The following LMNB1 variants were observed in gnomAD, a reference collection of about 807,000 sequenced individuals.
LMNB1 encodes lamin-B1.
Under a neutral mutation model 67.1 loss-of-function variants are expected in LMNB1, and 23 were observed. The observed-to-expected ratio is 0.34, with a 90% CI of 0.25 to 0.49. The LOEUF (loss-of-function observed/expected upper bound fraction) is 0.49, where lower values mean the gene tolerates loss of function less well. Among genes scored for constraint, LMNB1 ranks in the 20% least tolerant of loss-of-function variants. LMNB1 has a pLI of 0.99. For missense variants in LMNB1, 634 were observed against 746.5 expected, an observed-to-expected ratio of 0.85 and a Z score of 1.76; for synonymous variants, 281 against 282.9, an observed-to-expected ratio of 0.99 and a Z score of 0.07.
intron 1 of LMNB1, among the ~76,000 whole-genome samples, chr5:126,788,683 A>T (rs1283225654): frequency 6.6e-6 from 1 of 152,102 alleles, no homozygotes; most frequent in African/African-American, 2.4e-5. Flanking sequence ...TGAGTCATGG[A>T]ACAAGGGTTT....
At chr5:126,819,341 A>G in intron 6 of LMNB1, 199 bp downstream of exon 6, 1 of 473,676 alleles carries the variant, frequency 2.1e-6, no homozygotes, top group South Asian at 3.3e-5. Context: ...TAGTTTATTT[A>G]TTATTATTAC....
chr5:126,792,870 C>G (rs939462157), intron 1 of LMNB1, among the ~76,000 whole-genome samples: 15 of 152,252 alleles, frequency 9.9e-5, no homozygotes, highest in African/African-American at 3.6e-4. Context: ...GCCACCGCGC[C>G]CGGCAGCACT....
chr5:126,805,502 A>T lies in LMNB1; in HGVS notation c.517-69A>T. On this transcript the variant is annotated intron_variant, in intron 2 of 10. Transcript: ENST00000261366. ...TAACACTTGATTTGATTTGATTCAT[A>T]GATATCTTATGTTCATTATTAAATG... 3 of 1,015,224 alleles carry T rather than the reference A, an allele frequency of 3.0e-6. No homozygotes were observed. The South Asian group carries it at 4.4e-5, about 15-fold the overall frequency. 62.9% of individuals were successfully genotyped at this position (1,015,224 alleles called of 1,614,324 possible). A position where few individuals can be genotyped will look rare whatever the true frequency, so the allele number is the denominator to read the frequency against.
rs142412064 is a variant in LMNB1 at position 126,790,534 on chromosome 5, C to T, written c.359+12667C>T. Among the ~76,000 whole-genome samples the T allele has an allele frequency of 4.6e-3, 695 of 152,190 alleles. 16 individuals carry two copies. Among genetic ancestry groups the T allele is most frequent in the African/African-American group, 0.016 (668 of 41,458 alleles). On this transcript the variant is annotated intron_variant, in intron 1 of 10. Coordinates refer to ENST00000261366, the MANE Select transcript of LMNB1 (RefSeq NM_005573.4). ...TGTGATTAGTTTTTTTTGCCTATCA[C>T]ACCTTTTGATCACCTATAAAAATAG...
chr5:126,789,088 A>G (rs1224792754), intron 1 of LMNB1, among the ~76,000 whole-genome samples: 2 of 151,800 alleles, frequency 1.3e-5, no homozygotes, highest in Non-Finnish European at 2.9e-5. Context: ...GGGTTTTGCC[A>G]TGTTTCCCAG....
chr5:126,823,314 A>T (rs543559603), intron 8 of LMNB1, among the ~76,000 whole-genome samples: 1 of 152,312 alleles, frequency 6.6e-6, no homozygotes, highest in East Asian at 1.9e-4. Flanking sequence ...TTGGGGTAGG[A>T]GCCTAGGTTT....
intron 1 of LMNB1, among the ~76,000 whole-genome samples, chr5:126,784,678 C>T (rs1229036287): frequency 1.6e-5 from 2 of 121,788 alleles, no homozygotes; most frequent in African/African-American, 3.1e-5. Context: ...TTTTTTGAGA[C>T]GGAGTTTTGC....
chr5:126,781,595 C>G, intron 1 of LMNB1, among the ~76,000 whole-genome samples: 1 of 152,118 alleles, frequency 6.6e-6, no homozygotes, highest in East Asian at 1.9e-4. Context: ...CACCACCACA[C>G]CCGGCTAATT....
intron 1 of LMNB1, among the ~76,000 whole-genome samples, chr5:126,786,232 C>T (rs182011598): frequency 0.021 from 3,108 of 149,902 alleles, 36 homozygotes; most frequent in Non-Finnish European, 0.031. Flanking sequence ...ACGCCATTCT[C>T]CTGCCTCAGC....
chr5:126,788,485 A>C (rs997780017), intron 1 of LMNB1, among the ~76,000 whole-genome samples: 1 of 152,074 alleles, frequency 6.6e-6, no homozygotes, highest in African/African-American at 2.4e-5. Flanking sequence ...AAAAATGCAA[A>C]AATTAGCCAG....
chr5:126,792,496 G>A (rs1269048634), intron 1 of LMNB1, among the ~76,000 whole-genome samples: 1 of 150,330 alleles, frequency 6.7e-6, no homozygotes. Context: ...GTCCCTCTTT[G>A]CTAAGTTAAT....
At chr5:126,822,229 AT>A (rs1287538546) in intron 7 of LMNB1, among the ~76,000 whole-genome samples, 1 of 152,140 alleles carries the variant, frequency 6.6e-6, no homozygotes, top group African/African-American at 2.4e-5. Context: ...ACCTCAGGTG[AT>A]CCACCCGCCT....
At chr5:126,836,142 T>C (rs907783733) in intron 10 of LMNB1, 81 bp from the exon 11 acceptor site, 2 of 978,570 alleles carry the variant, frequency 2.0e-6, no homozygotes, top group Admixed American at 1.8e-5. Flanking sequence ...GGTATCCCTG[T>C]AGTTAAAAGT....
At chr5:126,794,281 C>T (rs1236875971) in intron 1 of LMNB1, among the ~76,000 whole-genome samples, 1 of 152,068 alleles carries the variant, frequency 6.6e-6, no homozygotes, top group Non-Finnish European at 1.5e-5. Flanking sequence ...CATTAATTTT[C>T]CTTTGGAAAA....
At chr5:126,795,164 G>C (rs537111973) in intron 1 of LMNB1, among the ~76,000 whole-genome samples, 6 of 94,532 alleles carry the variant, frequency 6.3e-5, no homozygotes, top group African/African-American at 2.3e-4. Context: ...ATCTTGCTCT[G>C]TTGCCCAGAG....
At chr5:126,804,110 A>G (rs536445237) in intron 1 of LMNB1, among the ~76,000 whole-genome samples, 2 of 151,070 alleles carry the variant, frequency 1.3e-5, no homozygotes, top group African/African-American at 4.9e-5. Context: ...GTCTTGGTCT[A>G]CTGCCCAGCT....
chr5:126,818,342 G>A (rs146612690), intron 5 of LMNB1, among the ~76,000 whole-genome samples: 30 of 151,362 alleles, frequency 2.0e-4, no homozygotes, highest in Admixed American at 6.6e-4. Flanking sequence ...GGGTTCAAGC[G>A]ATTGTCCTGC....
chr5:126,786,293 T>G (rs1337414025), intron 1 of LMNB1, among the ~76,000 whole-genome samples: 1 of 151,800 alleles, frequency 6.6e-6, no homozygotes, highest in Non-Finnish European at 1.5e-5. Flanking sequence ...CGGCTAATTT[T>G]TTGTATTTTT....
intron 7 of LMNB1, among the ~76,000 whole-genome samples, chr5:126,821,880 A>G (rs969812800): frequency 2.6e-5 from 4 of 152,238 alleles, no homozygotes; most frequent in African/African-American, 9.6e-5. Flanking sequence ...TTTGAAAATT[A>G]GTCTTTTCTC....
Sources: allele counts gnomAD v4.1 joint callset (sites outside exome capture counted in the v4.1 genomes callset), GRCh38; gene constraint gnomAD v4.1.1; transcripts MANE v1.5; gene names NCBI Gene and HGNC (gene_info 2026-07-23, HGNC 2026-07-21).